Variants in LRRC4C observed in about 807,000 individuals in gnomAD.
LRRC4C encodes the protein leucine rich repeat containing 4C, also known as leucine-rich repeat-containing protein 4C.
A neutral mutation model predicts 33.6 loss-of-function variants in LRRC4C; 5 were observed. The observed-to-expected ratio is 0.15, with a 90% confidence interval of 0.08 to 0.31. LRRC4C has a LOEUF of 0.31. Among genes scored for constraint, LRRC4C ranks in the 10% least tolerant of loss-of-function variants. The pLI is 1.00. For synonymous variants in LRRC4C, 329 were observed against 302.0 expected (o/e 1.09, Z -0.93); for missense variants, 560 against 796.7 (o/e 0.70, Z 3.58).
chr11:40,841,790 G>A (rs543503079), intron 2 of LRRC4C, among the ~76,000 whole-genome samples: 1 of 152,284 alleles, frequency 6.6e-6, no homozygotes, highest in East Asian at 1.9e-4. Context: ...CTTTTTCAGT[G>A]TAAGCCAACC....
At chr11:41,224,226 G>A (rs1021345616) in intron 1 of LRRC4C, among the ~76,000 whole-genome samples, 1 of 152,136 alleles carries the variant, frequency 6.6e-6, no homozygotes, top group Admixed American at 6.5e-5. Context: ...TCTTTTTACT[G>A]ACCAACCTCT....
intron 1 of LRRC4C, among the ~76,000 whole-genome samples, chr11:41,433,684 G>T (rs1225785621): frequency 6.6e-6 from 1 of 152,070 alleles, no homozygotes; most frequent in East Asian, 1.9e-4. Context: ...TCAAACATCG[G>T]ACTCGTTCTT....
intron 3 of LRRC4C, among the ~76,000 whole-genome samples, chr11:40,344,498 A>C (rs1365173707): frequency 6.6e-6 from 1 of 152,156 alleles, no homozygotes; most frequent in Admixed American, 6.5e-5. Context: ...TTAAAAGAAT[A>C]TACTCCAAAA....
intron 3 of LRRC4C, among the ~76,000 whole-genome samples, chr11:40,389,370 C>T (rs9787794): frequency 1.3e-5 from 2 of 151,664 alleles, no homozygotes; most frequent in Admixed American, 6.6e-5. Flanking sequence ...AGGTACACGG[C>T]GTGGGTTAGT....
At chr11:40,803,696 A>G (rs1316377697) in intron 2 of LRRC4C, among the ~76,000 whole-genome samples, 7 of 152,092 alleles carry the variant, frequency 4.6e-5, no homozygotes, top group Admixed American at 4.6e-4. Context: ...GATGGTCTCG[A>G]TCTCCTGACC....
intron 3 of LRRC4C, among the ~76,000 whole-genome samples, chr11:40,457,060 C>A (rs1590799786): frequency 1.5e-5 from 2 of 133,854 alleles, no homozygotes; most frequent in African/African-American, 2.8e-5. Flanking sequence ...TTTAAAAGGT[C>A]AACAGCTCAG....
chr11:41,141,371 C>A (rs1382152761), intron 1 of LRRC4C, among the ~76,000 whole-genome samples: 2 of 151,746 alleles, frequency 1.3e-5, no homozygotes, highest in African/African-American at 2.4e-5. Flanking sequence ...ACTAAAATTT[C>A]TCTTAAAAAA....
intron 4 of LRRC4C, among the ~76,000 whole-genome samples, chr11:40,259,579 G>C (rs1487717823): frequency 1.3e-5 from 2 of 151,988 alleles, no homozygotes; most frequent in East Asian, 3.9e-4. Flanking sequence ...ATCTTGAATT[G>C]ATTTTTGTAT....
In LRRC4C at chr11:40,577,920, C is replaced by T. The variant is rs187409898; in HGVS notation, c.-270+70222G>A. ...GTGCGATCTTGGCTCACTGCAAGCT[C>T]CGCCTCCAAGTTCACGCCATTCTCC... On this transcript the variant is annotated intron_variant, in intron 3 of 6. Transcript: ENST00000528697. 1.3e-3 allele frequency among the ~76,000 whole-genome samples: 188 copies of T among 147,228 alleles called. 1 individual carries two copies. In the Middle Eastern group the frequency reaches 0.015, roughly 12 times the overall value.
chr11:40,177,689 A>C (rs1860623335), intron 5 of LRRC4C, among the ~76,000 whole-genome samples: 1 of 151,900 alleles, frequency 6.6e-6, no homozygotes, highest in African/African-American at 2.4e-5. Context: ...CTCCATTGCC[A>C]TTTTTCTCTT....
chr11:40,318,718 C>T (rs1468705420), intron 4 of LRRC4C, among the ~76,000 whole-genome samples: 1 of 152,152 alleles, frequency 6.6e-6, no homozygotes, highest in Non-Finnish European at 1.5e-5. Flanking sequence ...ACTGTTCCCT[C>T]CACCTGCTCT....
chr11:40,852,799 T>G (rs558427475), intron 2 of LRRC4C, among the ~76,000 whole-genome samples: 1 of 152,230 alleles, frequency 6.6e-6, no homozygotes, highest in African/African-American at 2.4e-5. Flanking sequence ...CAGGCAAAAA[T>G]AATGAAGTCA....
chr11:40,514,604 GCTT>G (rs946096425), intron 3 of LRRC4C, among the ~76,000 whole-genome samples: 14 of 151,738 alleles, frequency 9.2e-5, no homozygotes, highest in South Asian at 6.3e-4. Flanking sequence ...AATTTAATTC[GCTT>G]CTTATTTTAT....
Position 40,700,060 on chromosome 11 carries a change from G to A in LRRC4C, c.-406-51782C>T, listed in dbSNP as rs544193150. On this transcript the variant is annotated intron_variant, in intron 2 of 6. Coordinates refer to ENST00000528697, the MANE Select transcript of LRRC4C (RefSeq NM_001258419.2). ...GTCATCCTTTCAGCAAACATTCCCG[G>A]GTGAAGTTAAGGGGAGGGGGACTTT... Among the ~76,000 whole-genome samples, 6 of 152,126 alleles carry A rather than the reference G, an allele frequency of 3.9e-5. No individual in the cohort carries two copies. In the South Asian group the frequency reaches 1.2e-3, roughly 32 times the overall value.
intron 6 of LRRC4C, among the ~76,000 whole-genome samples, chr11:40,129,762 TCTA>T (rs1856517814): frequency 6.6e-6 from 1 of 152,116 alleles, no homozygotes; most frequent in Non-Finnish European, 1.5e-5. Context: ...ATCTTCTAAT[TCTA>T]CTATCACAAT....
At chr11:41,253,838 G>A (rs758311063) in intron 1 of LRRC4C, among the ~76,000 whole-genome samples, 10 of 152,026 alleles carry the variant, frequency 6.6e-5, no homozygotes, top group African/African-American at 1.4e-4. Flanking sequence ...GACTAATGAC[G>A]GCGGCAGTTT....
At chr11:40,477,020 C>G (rs2119179) in intron 3 of LRRC4C, among the ~76,000 whole-genome samples, 4 of 151,972 alleles carry the variant, frequency 2.6e-5, no homozygotes, top group African/African-American at 9.7e-5. Flanking sequence ...TAAATTCCAG[C>G]AATAATTCAG....
At position 40,826,327 on chromosome 11, in the gene LRRC4C, C is replaced by T. The variant is rs576631967; in HGVS notation, c.-407+107308G>A. On this transcript the variant is annotated intron_variant, in intron 2 of 6. Transcript: ENST00000528697. Reference sequence around the variant, plus strand: ...CCATTAATAACAGCAATAGCAGCAACATTTGACATTTATACAGCCTGAAGG... The same window carrying T: ...CCATTAATAACAGCAATAGCAGCAATATTTGACATTTATACAGCCTGAAGG... Among the ~76,000 whole-genome samples, 4 of 152,030 alleles carry T rather than the reference C, an allele frequency of 2.6e-5. No individual in the cohort carries two copies. The South Asian group carries it at 8.3e-4, about 32-fold the overall frequency.
intron 1 of LRRC4C, among the ~76,000 whole-genome samples, chr11:41,084,113 G>A (rs1327795780): frequency 6.6e-6 from 1 of 152,310 alleles, no homozygotes; most frequent in South Asian, 2.1e-4. Flanking sequence ...GCTAGGAAAA[G>A]AACATTGCCA....
Sources: gnomAD v4.1 joint callset for allele counts (sites outside exome capture counted in the v4.1 genomes callset) on GRCh38, gnomAD v4.1.1 for gene constraint, MANE v1.5 for transcripts, NCBI Gene and HGNC (gene_info 2026-07-23, HGNC 2026-07-21) for gene names.